Variants in ADGRB3 observed in about 807,000 individuals in gnomAD.
The protein encoded by ADGRB3 is brain-specific angiogenesis inhibitor 3.
In ADGRB3, 37 loss-of-function variants were observed where a neutral mutation model predicts 193.4. The observed-to-expected ratio is 0.19, with a 90% CI of 0.15 to 0.25. The LOEUF (loss-of-function observed/expected upper bound fraction) is 0.25. Among genes scored for constraint, ADGRB3 ranks in the 10% least tolerant of loss-of-function variants. ADGRB3 has a pLI of 1.00. For synonymous variants in ADGRB3, 690 were observed against 644.2 expected, an observed-to-expected ratio of 1.07 and a Z score of -1.08; for missense variants, 1,637 against 1,852.9, an observed-to-expected ratio of 0.88 and a Z score of 2.14.
intron 22 of ADGRB3, among the ~76,000 whole-genome samples, chr6:69,329,404 G>T (rs1008692899): frequency 6.6e-6 from 1 of 152,148 alleles, no homozygotes; most frequent in Non-Finnish European, 1.5e-5. Context: ...TGCTGATATA[G>T]TATCTCTTTG....
intron 16 of ADGRB3, among the ~76,000 whole-genome samples, chr6:69,071,425 T>A (rs527872): frequency 0.49 from 75,196 of 152,054 alleles, 20,748 homozygotes; most frequent in East Asian, 0.96. Flanking sequence ...CAAGTAAATA[T>A]ATTTGTTTGG....
intron 6 of ADGRB3, among the ~76,000 whole-genome samples, chr6:68,951,351 G>C (rs750713084): frequency 6.6e-6 from 1 of 152,020 alleles, no homozygotes; most frequent in Non-Finnish European, 1.5e-5. Flanking sequence ...TAATATCGTC[G>C]TCTCCTGAGA....
At chr6:68,649,301 C>T (rs969435226) in intron 3 of ADGRB3, among the ~76,000 whole-genome samples, 3 of 152,134 alleles carry the variant, frequency 2.0e-5, no homozygotes, top group Non-Finnish European at 4.4e-5. Context: ...ACCATCATTT[C>T]AGATAAGCAT....
chr6:68,836,571 G>C (rs1768049969), intron 3 of ADGRB3, among the ~76,000 whole-genome samples: 1 of 152,150 alleles, frequency 6.6e-6, no homozygotes, highest in African/African-American at 2.4e-5. Context: ...CTGAAATTCT[G>C]ATGAGCTGTC....
At chr6:68,942,657 C>CTGGA (rs1372704356) in intron 5 of ADGRB3, among the ~76,000 whole-genome samples, 5 of 151,940 alleles carry the variant, frequency 3.3e-5, no homozygotes, top group African/African-American at 1.2e-4. Context: ...GTTGCCCAGG[C>CTGGA]TGGAGTGCAG....
intron 3 of ADGRB3, among the ~76,000 whole-genome samples, chr6:68,652,246 G>T: frequency 6.6e-6 from 1 of 152,100 alleles, no homozygotes; most frequent in East Asian, 1.9e-4. Context: ...CTCCTGCCAG[G>T]ACTCAGTGTC....
chr6:69,311,143 G>A (rs1381659336), intron 20 of ADGRB3, among the ~76,000 whole-genome samples: 1 of 151,664 alleles, frequency 6.6e-6, no homozygotes, highest in Non-Finnish European at 1.5e-5. Context: ...CTTAACCAGT[G>A]GACTGAAATT....
At chr6:69,080,676 TA>T (rs1772361665) in intron 17 of ADGRB3, among the ~76,000 whole-genome samples, 1 of 151,906 alleles carries the variant, frequency 6.6e-6, no homozygotes, top group Non-Finnish European at 1.5e-5. Flanking sequence ...AAGTCTGTAT[TA>T]AAAATATTTA....
chr6:69,201,910 A>C (rs1294614108), intron 17 of ADGRB3, among the ~76,000 whole-genome samples: 2 of 152,144 alleles, frequency 1.3e-5, no homozygotes, highest in Non-Finnish European at 2.9e-5. Context: ...GATACATGTT[A>C]AGTTTTCCAG....
intron 17 of ADGRB3, among the ~76,000 whole-genome samples, chr6:69,177,118 T>C (rs1428376013): frequency 6.6e-6 from 1 of 152,174 alleles, no homozygotes; most frequent in Non-Finnish European, 1.5e-5. Flanking sequence ...TGGGTCTCAG[T>C]TTTGTTCAGT....
At chr6:69,127,110 T>G (rs1215605742) in intron 17 of ADGRB3, among the ~76,000 whole-genome samples, 1 of 152,160 alleles carries the variant, frequency 6.6e-6, no homozygotes. Flanking sequence ...GGATATGTGT[T>G]CAACATGTCT....
At chr6:69,071,616 T>G (rs1435756887) in intron 16 of ADGRB3, among the ~76,000 whole-genome samples, 1 of 152,116 alleles carries the variant, frequency 6.6e-6, no homozygotes, top group Non-Finnish European at 1.5e-5. Flanking sequence ...GAGTGGCAGT[T>G]TTTGTTTGTT....
rs114112651 is a variant in ADGRB3, at chr6:68,867,760, C to T, written c.758-62799C>T. On this transcript the variant is annotated intron_variant, in intron 3 of 31. Transcript: ENST00000370598. ...CGCATGTCCTGTATGTGAGACATGA[C>T]GTCAAAGGAGATTATTTTGGAGCTT... Among the ~76,000 whole-genome samples the T allele has an allele frequency of 1.7e-3, 255 of 152,232 alleles. 3 individuals are homozygous for T. The highest frequency in any genetic ancestry group is 5.8e-3 in the African/African-American group (240 of 41,538).
intron 17 of ADGRB3, among the ~76,000 whole-genome samples, chr6:69,151,174 G>T (rs1479652840): frequency 2.0e-5 from 3 of 152,138 alleles, no homozygotes; most frequent in Non-Finnish European, 4.4e-5. Flanking sequence ...ACACCACTAG[G>T]ACTGGCCTAG....
intron 17 of ADGRB3, among the ~76,000 whole-genome samples, chr6:69,107,577 A>C (rs1273053006): frequency 6.6e-6 from 1 of 152,212 alleles, no homozygotes; most frequent in Non-Finnish European, 1.5e-5. Flanking sequence ...ATTTTTAAAA[A>C]ATCACTGAGT....
chr6:68,890,528 T>C (rs1186437250), intron 3 of ADGRB3, among the ~76,000 whole-genome samples: 1 of 152,228 alleles, frequency 6.6e-6, no homozygotes, highest in African/African-American at 2.4e-5. Context: ...CAATGAAATC[T>C]GTAATGAATT....
chr6:69,192,592 T>C (rs1172805441), intron 17 of ADGRB3, among the ~76,000 whole-genome samples: 1 of 152,162 alleles, frequency 6.6e-6, no homozygotes, highest in Non-Finnish European at 1.5e-5. Context: ...TCTATAGTAA[T>C]ATAAAATGGT....
intron 3 of ADGRB3, among the ~76,000 whole-genome samples, chr6:68,815,742 A>T (rs1290399734): frequency 6.6e-6 from 1 of 152,124 alleles, no homozygotes; most frequent in Non-Finnish European, 1.5e-5. Context: ...CATTTTACAT[A>T]CACAATTGCA....
chr6:69,057,453 T>C (rs1316078998), intron 15 of ADGRB3, among the ~76,000 whole-genome samples: 1 of 152,062 alleles, frequency 6.6e-6, no homozygotes, highest in African/African-American at 2.4e-5. Flanking sequence ...TGAATAAAAC[T>C]GGCAAGAGAG....
Sources: allele counts gnomAD v4.1 joint callset (sites outside exome capture counted in the v4.1 genomes callset), GRCh38; gene constraint gnomAD v4.1.1; transcripts MANE v1.5; gene names NCBI Gene and HGNC (gene_info 2026-07-23, HGNC 2026-07-21).